The following RBPJ variants were observed in gnomAD, a reference collection of about 807,000 sequenced individuals.
The protein encoded by RBPJ is recombining binding protein suppressor of hairless.
Under a neutral mutation model 67.8 loss-of-function variants are expected in RBPJ, and 9 were observed. The observed-to-expected ratio is 0.13, with a 90% CI of 0.08 to 0.23. The LOEUF (loss-of-function observed/expected upper bound fraction) is 0.23, where lower values mean the gene tolerates loss of function less well. RBPJ is among the 10% of genes least tolerant of loss of function. RBPJ has a pLI of 1.00. For synonymous variants in RBPJ, 198 were observed against 203.3 expected, an observed-to-expected ratio of 0.97 and a Z score of 0.22; for missense variants, 305 against 595.6, an observed-to-expected ratio of 0.51 and a Z score of 5.08.
chr4:26,253,134 T>G (rs1023204843), intron 1 of RBPJ, among the ~76,000 whole-genome samples: 6 of 152,198 alleles, frequency 3.9e-5, no homozygotes, highest in Non-Finnish European at 4.4e-5. Flanking sequence ...TTAATCCTTT[T>G]CCACATTTGG....
At position 26,186,192 on chromosome 4, in the gene RBPJ, T is replaced by TAAA. The variant is rs528707678; in HGVS notation, c.-167+22599_-167+22601dup. ...CTTCTTTCTGCTCCCCCCTTTTTTT[T>TAAA]AAAAAAAAAAAAAAAAAAAAAAAGA... On this transcript the variant is annotated intron_variant, in intron 1 of 4. Coordinates refer to the RBPJ transcript ENST00000512351. Among the ~76,000 whole-genome samples, 111 of 117,046 alleles carry TAAA rather than the reference T, an allele frequency of 9.5e-4. 1 individual carries two copies. The highest frequency in any genetic ancestry group is 3.4e-3 in the African/African-American group (104 of 30,918). 76.8% of individuals were successfully genotyped at this position (117,046 alleles called of 152,430 possible). A position where few individuals can be genotyped will look rare whatever the true frequency, so the allele number is the denominator to read the frequency against.
chr4:26,270,437 GAAGAAAGAA>G (rs1720876599), intron 1 of RBPJ, among the ~76,000 whole-genome samples: 1 of 30,200 alleles, frequency 3.3e-5, no homozygotes, highest in Non-Finnish European at 9.8e-5. Flanking sequence ...AAGAAAGAAA[GAAGAAAGAA>G]AGAAAGAAAG....
intron 1 of RBPJ, among the ~76,000 whole-genome samples, chr4:26,262,429 G>A (rs1340543329): frequency 6.6e-6 from 1 of 152,174 alleles, no homozygotes; most frequent in Admixed American, 6.5e-5. Flanking sequence ...GATTATCAGA[G>A]CAAAATTAAT....
At chr4:26,180,936 T>C (rs918985720) in intron 1 of RBPJ, among the ~76,000 whole-genome samples, 8 of 152,186 alleles carry the variant, frequency 5.3e-5, no homozygotes, top group African/African-American at 1.9e-4. Flanking sequence ...GTATTTCCCA[T>C]GCTGTTCTCA....
intron 1 of RBPJ, among the ~76,000 whole-genome samples, chr4:26,232,826 C>G (rs1719335840): frequency 6.6e-6 from 1 of 152,200 alleles, no homozygotes; most frequent in African/African-American, 2.4e-5. Flanking sequence ...ATTTGTAAAT[C>G]ATGAAACCTG....
At chr4:26,263,937 C>T (rs1253123358) in intron 1 of RBPJ, among the ~76,000 whole-genome samples, 3 of 151,232 alleles carry the variant, frequency 2.0e-5, no homozygotes, top group Admixed American at 6.6e-5. Flanking sequence ...TGCAGCCGTG[C>T]GATCTCGGCT....
intron 1 of RBPJ, among the ~76,000 whole-genome samples, chr4:26,295,329 G>A (rs1721835772): frequency 6.6e-6 from 1 of 151,918 alleles, no homozygotes; most frequent in South Asian, 2.1e-4. Flanking sequence ...ACGTGTGAGG[G>A]AGAAAGATGC....
Position 26,270,437 on chromosome 4 carries a change from G to GAAAGAAAGAAAGAA in RBPJ, c.-166-92007_-166-92006insAGAAAGAAAGAAAA, listed in dbSNP as rs757127437. On this transcript the variant is annotated intron_variant, in intron 1 of 4. Coordinates refer to the RBPJ transcript ENST00000512351. ...AGAAAGAAAGAAAGAAAGAAAGAAAGAAGAAAGAAAGAAAGAAAGAAAAGA... is the reference window on the plus strand; with the variant it reads ...AGAAAGAAAGAAAGAAAGAAAGAAAGAAAGAAAGAAAGAAAAGAAAGAAAGAAAGAAAGAAAAGA... 1.6e-3 allele frequency among the ~76,000 whole-genome samples: 48 copies of GAAAGAAAGAAAGAA among 30,250 alleles called. 5 individuals carry two copies. The highest frequency in any genetic ancestry group is 3.2e-3 in the African/African-American group (46 of 14,388). 19.8% of individuals were successfully genotyped at this position (30,250 alleles called of 152,430 possible).
intron 1 of RBPJ, among the ~76,000 whole-genome samples, chr4:26,181,393 A>G (rs764300478): frequency 6.6e-6 from 1 of 152,222 alleles, no homozygotes; most frequent in African/African-American, 2.4e-5. Flanking sequence ...CCAGCAACAC[A>G]TAACTCCTAA....
chr4:26,406,330 G>A (rs1733409300), intron 3 of RBPJ, 60 bp downstream of exon 3: 7 of 1,043,386 alleles, frequency 6.7e-6, no homozygotes, highest in Admixed American at 3.4e-5. Flanking sequence ...TGCCAATTAT[G>A]TATTAATATA....
chr4:26,306,294 G>C (rs1035872809), intron 1 of RBPJ, among the ~76,000 whole-genome samples: 3 of 152,020 alleles, frequency 2.0e-5, no homozygotes, highest in African/African-American at 2.4e-5. Context: ...GTTGGCTGCA[G>C]GTTTCCTATG....
intron 1 of RBPJ, among the ~76,000 whole-genome samples, chr4:26,202,969 A>AAG (rs1560208702): frequency 1.2e-4 from 5 of 41,324 alleles, no homozygotes; most frequent in African/African-American, 4.8e-4. Context: ...AAGGAAGGAA[A>AAG]TAAGGAAGGA....
At chr4:26,329,299 A>G (rs946845871) in intron 1 of RBPJ, among the ~76,000 whole-genome samples, 1 of 152,090 alleles carries the variant, frequency 6.6e-6, no homozygotes, top group African/African-American at 2.4e-5. Flanking sequence ...GGCGGCATTG[A>G]GGGTTTTAAG....
intron 2 of RBPJ, among the ~76,000 whole-genome samples, chr4:26,394,480 A>G (rs1457752249): frequency 1.3e-5 from 2 of 152,100 alleles, no homozygotes; most frequent in African/African-American, 2.4e-5. Context: ...CAAAAAAAAA[A>G]AAAACCAAAT....
the RBPJ span, among the ~76,000 whole-genome samples, chr4:26,150,417 C>G: frequency 3.9e-5 from 6 of 152,134 alleles, no homozygotes; most frequent in Non-Finnish European, 7.3e-5. Context: ...ATGTTTAGCC[C>G]CTTAGTAGTA....
intron 1 of RBPJ, among the ~76,000 whole-genome samples, chr4:26,322,680 C>T (rs79733014): frequency 0.45 from 68,469 of 150,848 alleles, 16,447 homozygotes; most frequent in Admixed American, 0.53. Context: ...TATATACACA[C>T]ACACACGTAA....
At chr4:26,301,521 G>T (rs2109299780) in intron 1 of RBPJ, among the ~76,000 whole-genome samples, 1 of 151,840 alleles carries the variant, frequency 6.6e-6, no homozygotes, top group South Asian at 2.1e-4. Context: ...GAACCTGGGA[G>T]GCGGAGCTTG....
At chr4:26,140,832 C>CATAAATAAATAAATAA in the RBPJ span, among the ~76,000 whole-genome samples, 36 of 40,642 alleles carry the variant, frequency 8.9e-4, no homozygotes, top group East Asian at 9.4e-3. Flanking sequence ...CTGACCCTTC[C>CATAAATAAATAAATAA]ACAAATAAAT....
At chr4:26,226,924 A>G (rs992954637) in intron 1 of RBPJ, among the ~76,000 whole-genome samples, 4 of 152,332 alleles carry the variant, frequency 2.6e-5, no homozygotes, top group South Asian at 2.1e-4. Context: ...AGGCACTTCA[A>G]AGACACAGAA....
Sources: gnomAD v4.1 joint callset for allele counts (sites outside exome capture counted in the v4.1 genomes callset) on GRCh38, gnomAD v4.1.1 for gene constraint, MANE v1.5 for transcripts, NCBI Gene and HGNC (gene_info 2026-07-23, HGNC 2026-07-21) for gene names.